Variants in DAB1 observed in about 807,000 individuals in gnomAD.
DAB1 encodes DAB adaptor protein 1.
A neutral mutation model predicts 64.6 loss-of-function variants in DAB1; 15 were observed. That is an observed-to-expected ratio of 0.23 (90% CI 0.16 to 0.36). The LOEUF (loss-of-function observed/expected upper bound fraction) is 0.36, where lower values mean the gene tolerates loss of function less well. Ranked by LOEUF, DAB1 falls within the 10% of genes least tolerant of loss-of-function variation. The pLI is 1.00. For synonymous variants in DAB1, 235 were observed against 251.9 expected (o/e 0.93, Z 0.64); for missense variants, 596 against 706.7 (o/e 0.84, Z 1.78).
intron 4 of DAB1, among the ~76,000 whole-genome samples, chr1:58,331,734 G>A (rs1370466515): frequency 6.6e-6 from 1 of 152,160 alleles, no homozygotes; most frequent in Non-Finnish European, 1.5e-5. Context: ...ATTTAGGTAT[G>A]TACGTTTTTT....
At chr1:57,381,313 C>T (rs3909556) in intron 1 of DAB1, among the ~76,000 whole-genome samples, 47,837 of 151,996 alleles carry the variant, frequency 0.31, 8,033 homozygotes, top group African/African-American at 0.4. Flanking sequence ...AACAGAAATG[C>T]AGGGAACAAG....
chr1:58,064,717 G>T (rs10607484), intron 5 of DAB1, among the ~76,000 whole-genome samples: 1,632 of 99,382 alleles, frequency 0.016, 22 homozygotes, highest in African/African-American at 0.066. Context: ...ATGTATTTAT[G>T]TATTTATTTA....
chr1:58,334,052 T>C (rs986334641), intron 4 of DAB1, among the ~76,000 whole-genome samples: 4 of 152,332 alleles, frequency 2.6e-5, no homozygotes, highest in East Asian at 1.9e-4. Context: ...CCTATTGCCA[T>C]GTGAGATGCC....
chr1:58,117,888 G>A (rs1008726906), intron 5 of DAB1, among the ~76,000 whole-genome samples: 1 of 150,212 alleles, frequency 6.7e-6, no homozygotes, highest in African/African-American at 2.5e-5. Flanking sequence ...TGGGCCAGGT[G>A]GGGGTACAGA....
intron 7 of DAB1, among the ~76,000 whole-genome samples, chr1:57,532,404 T>C (rs189848072): frequency 2.0e-5 from 3 of 152,334 alleles, no homozygotes; most frequent in East Asian, 1.9e-4. Context: ...TATTGCCTTA[T>C]GTCATTGTAT....
rs1569980400 is a variant in DAB1, at chr1:58,539,358, C to T, written n.32+7345G>A. ...AATATCTGTGGAAAATATTTACTTACCAAACTGGGACTATAACACTTATTA... is the reference window on the plus strand; with the variant it reads ...AATATCTGTGGAAAATATTTACTTATCAAACTGGGACTATAACACTTATTA... On this transcript the variant is annotated intron_variant and non_coding_transcript_variant, in intron 1 of 20. Transcript: ENST00000485760. 38 of 734,544 alleles carry T rather than the reference C, an allele frequency of 5.2e-5. No homozygotes were observed. The East Asian group carries it at 9.6e-4, about 19-fold the overall frequency. 45.5% of individuals were successfully genotyped at this position (734,544 alleles called of 1,614,324 possible). A position where few individuals can be genotyped will look rare whatever the true frequency, so the allele number is the denominator to read the frequency against.
At chr1:57,608,010 C>T (rs772993802) in intron 7 of DAB1, among the ~76,000 whole-genome samples, 8 of 152,088 alleles carry the variant, frequency 5.3e-5, no homozygotes, top group South Asian at 2.1e-4. Flanking sequence ...GGACAGCCAA[C>T]GCCCTTTCTT....
intron 7 of DAB1, among the ~76,000 whole-genome samples, chr1:57,629,720 G>A (rs1645964209): frequency 7.2e-6 from 1 of 138,200 alleles, no homozygotes; most frequent in Non-Finnish European, 1.6e-5. Flanking sequence ...AGATCTCCAG[G>A]TAGCTCAAGA....
chr1:57,752,257 A>G (rs1648591720), intron 6 of DAB1, among the ~76,000 whole-genome samples: 1 of 152,214 alleles, frequency 6.6e-6, no homozygotes, highest in African/African-American at 2.4e-5. Context: ...GGCAAATGGG[A>G]CAACTGGGCA....
At chr1:58,358,733 T>A (rs1644134243) in intron 3 of DAB1, among the ~76,000 whole-genome samples, 1 of 152,140 alleles carries the variant, frequency 6.6e-6, no homozygotes. Context: ...AAAAGCTGCA[T>A]ATATACCAGT....
chr1:57,222,063 T>A (rs1200668173), intron 2 of DAB1, among the ~76,000 whole-genome samples: 1 of 152,192 alleles, frequency 6.6e-6, no homozygotes, highest in East Asian at 1.9e-4. Context: ...TCTCATTAGA[T>A]CTTTGCAAAA....
chr1:58,202,672 G>T (rs1433973995), intron 4 of DAB1, among the ~76,000 whole-genome samples: 2 of 152,102 alleles, frequency 1.3e-5, no homozygotes, highest in Non-Finnish European at 2.9e-5. Context: ...CACTACACAG[G>T]CATTAGAAAT....
chr1:58,163,909 A>G (rs764477923), intron 4 of DAB1, among the ~76,000 whole-genome samples: 5 of 152,212 alleles, frequency 3.3e-5, no homozygotes, highest in Non-Finnish European at 5.9e-5. Context: ...ATTCAAAGCC[A>G]GAACAGCTTT....
chr1:57,612,195 T>TGTGTGTG (rs1645735055), intron 7 of DAB1, among the ~76,000 whole-genome samples: 2 of 149,556 alleles, frequency 1.3e-5, no homozygotes, highest in African/African-American at 4.9e-5. Context: ...TGGCATGATC[T>TGTGTGTG]TGTGTGTGTG....
intron 1 of DAB1, among the ~76,000 whole-genome samples, chr1:57,416,963 A>T (rs574022901): frequency 6.6e-6 from 1 of 152,308 alleles, no homozygotes. Flanking sequence ...CCTTTATTTC[A>T]GGAAAATTAT....
intron 4 of DAB1, among the ~76,000 whole-genome samples, chr1:58,302,829 T>A (rs1662205635): frequency 6.6e-6 from 1 of 152,208 alleles, no homozygotes; most frequent in Non-Finnish European, 1.5e-5. Context: ...ACTATTTTTT[T>A]AAATTACTGT....
At chr1:57,363,374 C>T (rs900512884) in intron 1 of DAB1, among the ~76,000 whole-genome samples, 5 of 152,144 alleles carry the variant, frequency 3.3e-5, no homozygotes, top group Admixed American at 3.3e-4. Context: ...GTGAGGGACA[C>T]CCGTGACATA....
chr1:57,409,426 G>C (rs1276173521), intron 1 of DAB1, among the ~76,000 whole-genome samples: 1 of 152,170 alleles, frequency 6.6e-6, no homozygotes, highest in Non-Finnish European at 1.5e-5. Flanking sequence ...TGGCTGTTAT[G>C]TTTTGGGTGT....
At chr1:57,689,589 TA>T (rs1646739802) in intron 6 of DAB1, among the ~76,000 whole-genome samples, 1 of 152,152 alleles carries the variant, frequency 6.6e-6, no homozygotes, top group Non-Finnish European at 1.5e-5. Flanking sequence ...CGTTACCTAG[TA>T]AGAACAAGTC....
Sources: allele counts gnomAD v4.1 joint callset (sites outside exome capture counted in the v4.1 genomes callset), GRCh38; gene constraint gnomAD v4.1.1; transcripts MANE v1.5; gene names NCBI Gene and HGNC (gene_info 2026-07-23, HGNC 2026-07-21).